Variants in TRMT11 observed in about 807,000 individuals in gnomAD.
The protein encoded by TRMT11 is tRNA methyltransferase 11, also known as tRNA (guanine(10)-N(2))-methyltransferase TRMT11.
Under a neutral mutation model 62.8 loss-of-function variants are expected in TRMT11, and 53 were observed. That is an observed-to-expected ratio of 0.84 (90% CI 0.68 to 1.06). TRMT11 has a LOEUF of 1.06. Among genes scored for constraint, TRMT11 ranks in the 50% least tolerant of loss-of-function variants. The probability of loss-of-function intolerance (pLI) is 0.00; values close to 1 mark genes in which losing one functional copy is unlikely to be tolerated. For synonymous variants in TRMT11, 188 were observed against 190.3 expected (o/e 0.99, Z 0.10); for missense variants, 556 against 553.4 (o/e 1.00, Z -0.05).
intron 1 of TRMT11, among the ~76,000 whole-genome samples, chr6:126,198,426 G>A (rs1242443266): frequency 6.6e-6 from 1 of 152,112 alleles, no homozygotes; most frequent in Admixed American, 6.6e-5. Context: ...AAGAGAGTTT[G>A]ATTTCTTCTG....
At chr6:126,045,900 A>G (rs1018595221) in intron 16 of TRMT11, among the ~76,000 whole-genome samples, 5 of 152,130 alleles carry the variant, frequency 3.3e-5, no homozygotes, top group Admixed American at 3.3e-4. Context: ...AGAAAATAAT[A>G]AAGGATTGTT....
intron 21 of TRMT11, among the ~76,000 whole-genome samples, chr6:126,166,161 G>C (rs1272497432): frequency 6.6e-6 from 1 of 152,024 alleles, no homozygotes; most frequent in African/African-American, 2.4e-5. Context: ...CTCTAAACTG[G>C]TTATTCTAAT....
the TRMT11 span, among the ~76,000 whole-genome samples, chr6:126,271,363 C>CAAAAAAAAAAAAAAAAAAA: frequency 8.3e-5 from 3 of 36,266 alleles, no homozygotes; most frequent in African/African-American, 3.1e-4. Context: ...GACTCCATCT[C>CAAAAAAAAAAAAAAAAAAA]AAAAAAAAAA....
chr6:126,192,579 T>G (rs1377677380), intron 1 of TRMT11, among the ~76,000 whole-genome samples: 1 of 152,184 alleles, frequency 6.6e-6, no homozygotes, highest in Non-Finnish European at 1.5e-5. Flanking sequence ...GCTGTGGGAT[T>G]GTCATATATG....
intron 11 of TRMT11, among the ~76,000 whole-genome samples, chr6:126,019,731 A>C (rs1182833795): frequency 6.6e-6 from 1 of 152,146 alleles, no homozygotes; most frequent in Non-Finnish European, 1.5e-5. Flanking sequence ...TATTCTTTCT[A>C]CTGTACTCCA....
chr6:126,234,664 A>C, the TRMT11 span, among the ~76,000 whole-genome samples: 1 of 152,146 alleles, frequency 6.6e-6, no homozygotes, highest in African/African-American at 2.4e-5. Context: ...TTAATAATAC[A>C]TTTCTCTAAA....
intron 1 of TRMT11, among the ~76,000 whole-genome samples, chr6:126,183,436 C>T (rs1415185013): frequency 6.6e-6 from 1 of 152,102 alleles, no homozygotes; most frequent in Admixed American, 6.6e-5. Context: ...CAAAATAAGC[C>T]ACCTCATGGA....
rs1343339966 is a variant in TRMT11, at chr6:126,093,627, A to ATTTTTTTTTT, written c.*1438-19238_*1438-19237insTTTTTTTTTT. Among the ~76,000 whole-genome samples the ATTTTTTTTTT allele has an allele frequency of 1.7e-4, 16 of 94,634 alleles. 1 individual carries two copies. The highest frequency in any genetic ancestry group is 7.6e-4 in the African/African-American group (16 of 21,122). 62.1% of individuals were successfully genotyped at this position (94,634 alleles called of 152,430 possible). ...TATATATATATATATATATATATAT[A>ATTTTTTTTTT]TATATTTTCCCCCAGTCCTGGAGGA... On this transcript the variant is annotated intron_variant and NMD_transcript_variant, in intron 17 of 22. Transcript: ENST00000648977.
chr6:126,241,594 C>T, the TRMT11 span, among the ~76,000 whole-genome samples: 5 of 152,162 alleles, frequency 3.3e-5, no homozygotes, highest in African/African-American at 1.2e-4. Context: ...AGCTTATCCA[C>T]CATGATCAAG....
chr6:126,016,895 TATTA>T (rs1388350334), intron 11 of TRMT11, among the ~76,000 whole-genome samples: 3 of 152,162 alleles, frequency 2.0e-5, no homozygotes, highest in Admixed American at 6.5e-5. Context: ...AAAGCGATCT[TATTA>T]ATTATTAATA....
intron 17 of TRMT11, among the ~76,000 whole-genome samples, chr6:126,105,186 T>C (rs924223828): frequency 2.0e-5 from 3 of 152,212 alleles, no homozygotes; most frequent in African/African-American, 7.2e-5. Context: ...AAACATTCCA[T>C]GGACTGAGCT....
At chr6:126,270,347 A>G in the TRMT11 span, among the ~76,000 whole-genome samples, 10 of 152,224 alleles carry the variant, frequency 6.6e-5, no homozygotes, top group African/African-American at 2.2e-4. Flanking sequence ...TAGAATAAGG[A>G]TGGTGAAGAA....
chr6:126,039,610 T>C (rs1562301560), downstream of TRMT11, among the ~76,000 whole-genome samples: 1 of 152,078 alleles, frequency 6.6e-6, no homozygotes, highest in Non-Finnish European at 1.5e-5. Context: ...CAGTGCCCTT[T>C]GAAATAGAAG....
At chr6:126,007,197 A>T (rs1793483455) in intron 7 of TRMT11, among the ~76,000 whole-genome samples, 1 of 151,936 alleles carries the variant, frequency 6.6e-6, no homozygotes. Context: ...TCTCTTCTTC[A>T]TGGGTTCTAA....
At chr6:126,154,049 C>A (rs1346587291) in intron 21 of TRMT11, among the ~76,000 whole-genome samples, 1 of 152,154 alleles carries the variant, frequency 6.6e-6, no homozygotes, top group East Asian at 1.9e-4. Flanking sequence ...GTACCACTAG[C>A]ATAGGGAAGA....
At chr6:126,183,269 A>G (rs1448473831) in intron 1 of TRMT11, among the ~76,000 whole-genome samples, 2 of 152,188 alleles carry the variant, frequency 1.3e-5, no homozygotes, top group Non-Finnish European at 2.9e-5. Flanking sequence ...TGATAAGGCC[A>G]ACAAAGGAAC....
chr6:126,077,095 C>G (rs1334401170), intron 17 of TRMT11, among the ~76,000 whole-genome samples: 1 of 152,146 alleles, frequency 6.6e-6, no homozygotes, highest in East Asian at 1.9e-4. Flanking sequence ...CCCTATTTAA[C>G]CCAACACTTC....
chr6:126,157,469 A>G (rs1222562626), intron 21 of TRMT11, among the ~76,000 whole-genome samples: 2 of 152,176 alleles, frequency 1.3e-5, no homozygotes, highest in East Asian at 1.9e-4. Context: ...GTAAAATTTC[A>G]TATTATAAAG....
At position 126,160,952 on chromosome 6, in the gene TRMT11, A is replaced by C. The variant is rs76337677; in HGVS notation, c.*1824-13873A>C. ...TAAAAGTACAGAAAGTTTAGAAATA[A>C]AAGTACAGAAAGTTTAGAAATCGAA... On this transcript the variant is annotated intron_variant and NMD_transcript_variant, in intron 21 of 22. Transcript: ENST00000648977. Among the ~76,000 whole-genome samples, 993 of 152,294 alleles carry C rather than the reference A, an allele frequency of 6.5e-3. 10 individuals are homozygous for C. Among genetic ancestry groups the C allele is most frequent in the African/African-American group, 0.022 (922 of 41,568 alleles).
Sources: gnomAD v4.1 joint callset for allele counts (sites outside exome capture counted in the v4.1 genomes callset) on GRCh38, gnomAD v4.1.1 for gene constraint, MANE v1.5 for transcripts, NCBI Gene and HGNC (gene_info 2026-07-23, HGNC 2026-07-21) for gene names.